The following KIF16B variants were observed in gnomAD, a reference collection of about 807,000 sequenced individuals.
KIF16B encodes the protein kinesin-like protein KIF16B.
Under a neutral mutation model 156.3 loss-of-function variants are expected in KIF16B, and 98 were observed. The observed-to-expected ratio is 0.63, with a 90% CI of 0.53 to 0.74. The LOEUF is 0.74. Among genes scored for constraint, KIF16B ranks in the 30% least tolerant of loss-of-function variants. KIF16B has a pLI of 0.00. For missense variants in KIF16B, 1,421 were observed against 1,606.5 expected (o/e 0.88, Z 1.97); for synonymous variants, 564 against 583.7 (o/e 0.97, Z 0.49).
At chr20:16,385,536 G>T (rs2065209525) in intron 17 of KIF16B, among the ~76,000 whole-genome samples, 1 of 152,212 alleles carries the variant, frequency 6.6e-6, no homozygotes, top group Non-Finnish European at 1.5e-5. Context: ...CTTCATTGCT[G>T]TAAAGGCTGA....
intron 25 of KIF16B, among the ~76,000 whole-genome samples, chr20:16,282,808 T>C (rs958016433): frequency 1.3e-5 from 2 of 152,190 alleles, no homozygotes; most frequent in African/African-American, 4.8e-5. Flanking sequence ...CACTGTGCGC[T>C]GGTGGTGGTA....
At chr20:16,370,687 G>T in intron 21 of KIF16B, 51 bp from the exon 22 acceptor site, 1 of 1,332,524 alleles carries the variant, frequency 7.5e-7, no homozygotes, top group Non-Finnish European at 1.0e-6. Context: ...AAGTTCACGG[G>T]GCGGGGGACT....
intron 8 of KIF16B, 40 bp from the exon 9 acceptor site, chr20:16,505,893 G>A (rs764734334): frequency 1.2e-6 from 2 of 1,607,886 alleles, no homozygotes; most frequent in East Asian, 4.5e-5. Flanking sequence ...AGGACAATTA[G>A]TAAAATTTTT....
chr20:16,507,171 T>C (rs1248528646), intron 7 of KIF16B, among the ~76,000 whole-genome samples: 1 of 151,060 alleles, frequency 6.6e-6, no homozygotes, highest in African/African-American at 2.4e-5. Context: ...GAAAAACCAA[T>C]CAACTTGAGT....
At chr20:16,355,433 T>C (rs969096975) in intron 23 of KIF16B, among the ~76,000 whole-genome samples, 10 of 152,202 alleles carry the variant, frequency 6.6e-5, no homozygotes, top group South Asian at 4.1e-4. Flanking sequence ...GCTCAGCAAA[T>C]TGCAGCGGGG....
chr20:16,295,343 T>C (rs1026215815), intron 25 of KIF16B, among the ~76,000 whole-genome samples: 1 of 152,160 alleles, frequency 6.6e-6, no homozygotes. Flanking sequence ...AGTGAATTAA[T>C]ATTGTATTCT....
At chr20:16,506,287 C>A in intron 7 of KIF16B, 97 bp from the exon 8 acceptor site, 1 of 1,001,998 alleles carries the variant, frequency 1.0e-6, no homozygotes, top group Non-Finnish European at 1.5e-6. Context: ...TCACTGAGAT[C>A]TCTCAGGGTA....
chr20:16,484,284 G>A (rs1444291725), intron 12 of KIF16B, among the ~76,000 whole-genome samples: 1 of 152,202 alleles, frequency 6.6e-6, no homozygotes, highest in Non-Finnish European at 1.5e-5. Context: ...AAATATGGTA[G>A]GTTTGGCATC....
At chr20:16,500,566 G>A (rs1237192633) in intron 10 of KIF16B, among the ~76,000 whole-genome samples, 1 of 152,032 alleles carries the variant, frequency 6.6e-6, no homozygotes, top group Admixed American at 6.6e-5. Context: ...CTGCTATTTC[G>A]AACAGTTTTG....
At position 16,305,045 on chromosome 20, in the gene KIF16B, C is replaced by T. The variant is rs995404827; in HGVS notation, c.3795+7290G>A. On this transcript the variant is annotated intron_variant, in intron 25 of 25. Coordinates refer to ENST00000354981, the MANE Select transcript of KIF16B (RefSeq NM_024704.5). Reference sequence around the variant, plus strand: ...TTGGCAGATAAGTCATTTGAACTACCGAGACTTTATTTTGGAAACAGTTCT... The same window carrying T: ...TTGGCAGATAAGTCATTTGAACTACTGAGACTTTATTTTGGAAACAGTTCT... Among the ~76,000 whole-genome samples, 8 of 152,132 alleles carry T rather than the reference C, an allele frequency of 5.3e-5. No individual in the cohort carries two copies. The East Asian group carries it at 7.7e-4, about 15-fold the overall frequency.
chr20:16,334,882 C>T (rs1322292462), intron 24 of KIF16B, among the ~76,000 whole-genome samples: 3 of 152,160 alleles, frequency 2.0e-5, no homozygotes, highest in African/African-American at 4.8e-5. Context: ...TCATAAATTA[C>T]CCAGTCTCTG....
chr20:16,410,208 C>CAT (rs1241033810), intron 15 of KIF16B, among the ~76,000 whole-genome samples: 45 of 131,634 alleles, frequency 3.4e-4, no homozygotes, highest in Middle Eastern at 4.5e-3. Context: ...TATGTAGGTA[C>CAT]ATATACATGT....
chr20:16,505,775 G>A lies in KIF16B; in HGVS notation c.947C>T (p.Thr316Ile), dbSNP rs756433390. 1.2e-6 allele frequency: 2 copies of A among 1,613,582 alleles called. No individual in the cohort carries two copies. Among genetic ancestry groups the A allele is most frequent in the African/African-American group, 1.3e-5 (1 of 74,898 alleles). ...VFVPYRDSVL[T>I]WLLKDSLGGN... The stretch of plus-strand genomic sequence containing the variant: ...TCCAAGGCTATCTTTTAACAACCAA[G>A]TCAACACAGAATCCCTGTAAGGCAC... Residue 316 changes from threonine (T) to isoleucine (I), a missense_variant, in exon 9 of 26, where the codon ACT becomes ATT. Physicochemically the swap from Thr to Ile is moderately conservative, Grantham distance 89 (BLOSUM62 -1). Coordinates refer to ENST00000354981, the MANE Select transcript of KIF16B (RefSeq NM_024704.5).
In KIF16B at chr20:16,390,079, T is replaced by C. The variant is rs2065328394; in HGVS notation, c.1785-8332A>G. Among the ~76,000 whole-genome samples, 2 of 152,200 alleles carry C rather than the reference T, an allele frequency of 1.3e-5. 1 individual carries two copies. The highest frequency in any genetic ancestry group is 4.1e-4 in the South Asian group (2 of 4,832). ...AGAAGTCTCACAATGCAATTTATTC[T>C]AGAAGGTTGTGAAATTAAACCCTCT... is the stretch of plus-strand genomic sequence containing the variant. On this transcript the variant is annotated intron_variant, in intron 17 of 25. Transcript: ENST00000354981.
chr20:16,469,042 T>C (rs949655784), intron 12 of KIF16B, among the ~76,000 whole-genome samples: 12 of 151,956 alleles, frequency 7.9e-5, no homozygotes, highest in Non-Finnish European at 1.5e-4. Flanking sequence ...CGCCTGAGGC[T>C]AGAAACTTGA....
chr20:16,560,540 C>T (rs756175229), intron 1 of KIF16B, among the ~76,000 whole-genome samples: 3 of 152,252 alleles, frequency 2.0e-5, no homozygotes, highest in African/African-American at 7.2e-5. Context: ...TGAGCAATGG[C>T]TCAAGCCTGT....
chr20:16,342,343 G>A (rs1486019859), intron 23 of KIF16B, among the ~76,000 whole-genome samples: 1 of 152,132 alleles, frequency 6.6e-6, no homozygotes, highest in Non-Finnish European at 1.5e-5. Context: ...TCATTGCAGA[G>A]ATACACATTT....
chr20:16,486,489 GT>G (rs1319102624), intron 12 of KIF16B, among the ~76,000 whole-genome samples: 4 of 152,166 alleles, frequency 2.6e-5, no homozygotes, highest in Admixed American at 6.5e-5. Context: ...TTTGAAAATA[GT>G]TTTTTAAAAT....
At chr20:16,399,084 A>G (rs1568935520) in intron 17 of KIF16B, among the ~76,000 whole-genome samples, 1 of 152,144 alleles carries the variant, frequency 6.6e-6, no homozygotes, top group Non-Finnish European at 1.5e-5. Context: ...GGTGCCATCA[A>G]TGCTTTTGAT....
Sources: gnomAD v4.1 joint callset for allele counts (sites outside exome capture counted in the v4.1 genomes callset) on GRCh38, gnomAD v4.1.1 for gene constraint, MANE v1.5 for transcripts, NCBI Gene and HGNC (gene_info 2026-07-23, HGNC 2026-07-21) for gene names.